Variants in NIBAN1 observed in about 807,000 individuals in gnomAD.
NIBAN1 encodes protein Niban 1.
A neutral mutation model predicts 75.1 loss-of-function variants in NIBAN1; 81 were observed. That is an observed-to-expected ratio of 1.08 (90% confidence interval 0.90 to 1.30). The LOEUF (loss-of-function observed/expected upper bound fraction) is 1.30. NIBAN1 is among the 50% of genes most tolerant of loss of function. NIBAN1 has a pLI of 0.00. For missense variants in NIBAN1, 1,133 were observed against 1,128.1 expected, an observed-to-expected ratio of 1.00 and a Z score of -0.06; for synonymous variants, 436 against 424.8, an observed-to-expected ratio of 1.03 and a Z score of -0.32.
At chr1:184,842,684 C>T (rs1331021765) in intron 5 of NIBAN1, among the ~76,000 whole-genome samples, 2 of 126,512 alleles carry the variant, frequency 1.6e-5, no homozygotes, top group Non-Finnish European at 3.4e-5. Context: ...ACCCGGGAGG[C>T]GGAGGTTGCA....
intron 1 of NIBAN1, among the ~76,000 whole-genome samples, chr1:184,941,898 G>A (rs991900736): frequency 1.3e-5 from 2 of 152,132 alleles, no homozygotes; most frequent in African/African-American, 4.8e-5. Flanking sequence ...TAGCAGATCA[G>A]CTGCTCAGAC....
At chr1:184,826,338 A>G (rs1180931397) in intron 6 of NIBAN1, among the ~76,000 whole-genome samples, 1 of 152,218 alleles carries the variant, frequency 6.6e-6, no homozygotes, top group East Asian at 1.9e-4. Flanking sequence ...TGTGGTGTTT[A>G]AGAGTAACCT....
chr1:184,794,789 T>G lies in NIBAN1; in HGVS notation c.*188A>C, dbSNP rs1361525596. 1 of 725,358 alleles carries G rather than the reference T, an allele frequency of 1.4e-6. No individual in the cohort carries two copies. Among genetic ancestry groups the G allele is most frequent in the Non-Finnish European group, 2.3e-6 (1 of 433,596 alleles). The allele number at this position is 725,358 out of a possible 1,614,324, so 44.9% of individuals were successfully genotyped here. A position where few individuals can be genotyped will look rare whatever the true frequency, so the allele number is the denominator to read the frequency against. On this transcript the variant is annotated 3_prime_UTR_variant, in exon 14 of 14. Coordinates refer to ENST00000367511, the MANE Select transcript of NIBAN1 (RefSeq NM_052966.4). ...AAAATACTAAAGCAAAAATTCATCG[T>G]AGAACAATTCATGTCCACAAAGGTT... is the stretch of plus-strand genomic sequence containing the variant.
chr1:184,913,137 G>GTATATATATATATATATTATA (rs771522323), intron 1 of NIBAN1, among the ~76,000 whole-genome samples: 127 of 109,740 alleles, frequency 1.2e-3, no homozygotes, highest in African/African-American at 4.2e-3. Flanking sequence ...TATCATGCAG[G>GTATATATATATATATATTATA]TATATATATA....
At chr1:184,958,979 A>G (rs1658560010) in intron 1 of NIBAN1, among the ~76,000 whole-genome samples, 1 of 152,266 alleles carries the variant, frequency 6.6e-6, no homozygotes, top group Non-Finnish European at 1.5e-5. Flanking sequence ...TTACACAGGA[A>G]ATAATCCTTT....
chr1:184,860,876 G>T (rs959845520), intron 5 of NIBAN1, among the ~76,000 whole-genome samples: 7 of 152,152 alleles, frequency 4.6e-5, no homozygotes, highest in African/African-American at 1.7e-4. Flanking sequence ...TTTCTTGTCT[G>T]CTTAGAGTCT....
intron 2 of NIBAN1, among the ~76,000 whole-genome samples, chr1:184,897,977 A>C (rs1656844389): frequency 6.6e-6 from 1 of 152,108 alleles, no homozygotes; most frequent in Non-Finnish European, 1.5e-5. Context: ...TATTCTTTAC[A>C]CAGAGGCCAG....
At chr1:184,953,461 A>G (rs1025146722) in intron 1 of NIBAN1, among the ~76,000 whole-genome samples, 1 of 152,260 alleles carries the variant, frequency 6.6e-6, no homozygotes, top group Non-Finnish European at 1.5e-5. Context: ...CGTCTTTTAC[A>G]TATCTTAGTG....
intron 5 of NIBAN1, among the ~76,000 whole-genome samples, chr1:184,835,389 T>C (rs1655111062): frequency 6.6e-6 from 1 of 152,256 alleles, no homozygotes; most frequent in African/African-American, 2.4e-5. Flanking sequence ...AGAAAGTTAT[T>C]GGTAGCTTGA....
At chr1:184,805,837 GT>G in intron 11 of NIBAN1, 108 bp downstream of exon 11, 1 of 810,648 alleles carries the variant, frequency 1.2e-6, no homozygotes, top group Non-Finnish European at 2.0e-6. Flanking sequence ...AGAGAAAGGA[GT>G]GGGGAAAGAT....
At chr1:184,936,710 C>CGT (rs1256798053) in intron 1 of NIBAN1, among the ~76,000 whole-genome samples, 2 of 151,702 alleles carry the variant, frequency 1.3e-5, no homozygotes, top group African/African-American at 2.4e-5. Context: ...TGTGTGTGTG[C>CGT]GTGTGTGTGT....
intron 5 of NIBAN1, among the ~76,000 whole-genome samples, chr1:184,869,751 A>G (rs1369917801): frequency 6.6e-6 from 1 of 152,100 alleles, no homozygotes; most frequent in Admixed American, 6.6e-5. Context: ...CATGTTGGCC[A>G]GGCTAGTCTC....
At chr1:184,839,235 G>A (rs1343138672) in intron 5 of NIBAN1, among the ~76,000 whole-genome samples, 1 of 152,108 alleles carries the variant, frequency 6.6e-6, no homozygotes, top group Admixed American at 6.5e-5. Context: ...ATGTGGTCAA[G>A]CAATGGCCAC....
chr1:184,966,261 C>T (rs1368366189), intron 1 of NIBAN1, among the ~76,000 whole-genome samples: 1 of 152,198 alleles, frequency 6.6e-6, no homozygotes, highest in Non-Finnish European at 1.5e-5. Flanking sequence ...GCCTAAGCCA[C>T]AAGAAGTCCT....
Position 184,791,940 on chromosome 1 carries a change from T to C in NIBAN1, c.*3037A>G, listed in dbSNP as rs1653707291. 1 of 145,390 alleles carries C rather than the reference T, an allele frequency of 6.9e-6. No individual in the cohort carries two copies. 9.0% of individuals were successfully genotyped at this position (145,390 alleles called of 1,614,324 possible). On this transcript the variant is annotated 3_prime_UTR_variant, in exon 14 of 14. Transcript: ENST00000367511. ...GTTCCATCTTCAAATTAAACAATCATCCTGCTTATTCTAGAAAACTTTTTT... is the reference window on the plus strand; with the variant it reads ...GTTCCATCTTCAAATTAAACAATCACCCTGCTTATTCTAGAAAACTTTTTT...
chr1:184,935,150 G>T (rs368870404), intron 1 of NIBAN1, among the ~76,000 whole-genome samples: 21 of 152,126 alleles, frequency 1.4e-4, no homozygotes, highest in African/African-American at 5.1e-4. Context: ...TTTAGCAAAT[G>T]TCACATACTA....
At chr1:184,798,742 C>A (rs917607008) in intron 12 of NIBAN1, among the ~76,000 whole-genome samples, 2 of 152,118 alleles carry the variant, frequency 1.3e-5, no homozygotes, top group Non-Finnish European at 2.9e-5. Flanking sequence ...ATTTCCATCA[C>A]CCCCAAAGTT....
chr1:184,856,907 G>A (rs932229570), intron 5 of NIBAN1, among the ~76,000 whole-genome samples: 1 of 152,302 alleles, frequency 6.6e-6, no homozygotes, highest in East Asian at 1.9e-4. Flanking sequence ...GAATATGGAT[G>A]TTTTCATGGA....
chr1:184,898,501 A>T (rs1656863511), intron 2 of NIBAN1, among the ~76,000 whole-genome samples: 1 of 152,160 alleles, frequency 6.6e-6, no homozygotes, highest in African/African-American at 2.4e-5. Flanking sequence ...CTGTAATCCC[A>T]GCCACTCAGG....
Sources: gnomAD v4.1 joint callset for allele counts (sites outside exome capture counted in the v4.1 genomes callset) on GRCh38, gnomAD v4.1.1 for gene constraint, MANE v1.5 for transcripts, NCBI Gene and HGNC (gene_info 2026-07-23, HGNC 2026-07-21) for gene names.